Variants in SMAD3 observed in about 807,000 individuals in gnomAD.
SMAD3 encodes the protein MAD homolog 3.
In SMAD3, 12 loss-of-function variants were observed where a neutral mutation model predicts 51.8. The observed-to-expected ratio is 0.23, with a 90% CI of 0.15 to 0.38. SMAD3 has a LOEUF of 0.38. Ranked by LOEUF, SMAD3 falls within the 10% of genes least tolerant of loss-of-function variation. SMAD3 has a pLI of 1.00. For synonymous variants in SMAD3, 238 were observed against 227.7 expected (o/e 1.05, Z -0.41); for missense variants, 294 against 565.6 (o/e 0.52, Z 4.87).
At chr15:67,085,333 C>T (rs1415559381) in intron 1 of SMAD3, among the ~76,000 whole-genome samples, 2 of 152,166 alleles carry the variant, frequency 1.3e-5, no homozygotes, top group East Asian at 1.9e-4. Context: ...TTGGGTGAGT[C>T]ACTTTTCTGC....
intron 4 of SMAD3, among the ~76,000 whole-genome samples, chr15:67,167,576 G>C (rs1032511301): frequency 6.6e-6 from 1 of 152,180 alleles, no homozygotes; most frequent in Non-Finnish European, 1.5e-5. Flanking sequence ...GCAAGGAGAG[G>C]CTGAATGGAA....
intron 6 of SMAD3, among the ~76,000 whole-genome samples, chr15:67,183,860 T>C (rs767904187): frequency 6.6e-6 from 1 of 152,054 alleles, no homozygotes; most frequent in Admixed American, 6.6e-5. Flanking sequence ...GAAAAATGCA[T>C]TGAGGGAAGA....
intron 1 of SMAD3, among the ~76,000 whole-genome samples, chr15:67,158,172 A>G (rs1377915305): frequency 1.3e-5 from 2 of 152,186 alleles, no homozygotes; most frequent in African/African-American, 4.8e-5. Context: ...ATTAAGACTT[A>G]TTTATTGGAT....
chr15:67,121,434 G>A (rs977394544), intron 1 of SMAD3, among the ~76,000 whole-genome samples: 2 of 152,164 alleles, frequency 1.3e-5, no homozygotes, highest in African/African-American at 4.8e-5. Context: ...GTTGCACTCC[G>A]TTCTGGGTGG....
chr15:67,094,261 G>A (rs1020041702), intron 1 of SMAD3, among the ~76,000 whole-genome samples: 1 of 152,182 alleles, frequency 6.6e-6, no homozygotes, highest in Non-Finnish European at 1.5e-5. Context: ...ACCAGAAGTG[G>A]CATCAAGATG....
intron 1 of SMAD3, among the ~76,000 whole-genome samples, chr15:67,112,821 G>A (rs1961047125): frequency 7.6e-6 from 1 of 131,174 alleles, no homozygotes; most frequent in Non-Finnish European, 1.6e-5. Flanking sequence ...TTTTGTATAA[G>A]ATGTGAGGTA....
At chr15:67,078,368 T>C (rs1277424425) in intron 1 of SMAD3, among the ~76,000 whole-genome samples, 1 of 152,168 alleles carries the variant, frequency 6.6e-6, no homozygotes, top group African/African-American at 2.4e-5. Context: ...CTGGTCAGTG[T>C]TTTCAATTTC....
chr15:67,139,823 A>C (rs10518714), intron 1 of SMAD3, among the ~76,000 whole-genome samples: 33,839 of 152,090 alleles, frequency 0.22, 4,586 homozygotes, highest in Non-Finnish European at 0.32. Flanking sequence ...GTGCTTGGAA[A>C]GTGAATGTGT....
chr15:67,093,725 G>A (rs1010075633), intron 1 of SMAD3, among the ~76,000 whole-genome samples: 27 of 152,250 alleles, frequency 1.8e-4, no homozygotes, highest in Admixed American at 5.2e-4. Flanking sequence ...GACTTGCAGC[G>A]CTGTGTTGGC....
chr15:67,192,366 T>A lies in SMAD3; in HGVS notation c.*1830T>A, dbSNP rs1339353473. On this transcript the variant is annotated 3_prime_UTR_variant, in exon 9 of 9. Coordinates refer to ENST00000327367, the MANE Select transcript of SMAD3 (RefSeq NM_005902.4). ...TGTGTGAGTCTTCTCGAAGGAGGGT[T>A]GACTCAGAACCCAGAGACAATACAA... The A allele has an allele frequency of 1.7e-5, 4 of 233,068 alleles. No individual in the cohort carries two copies. The highest frequency in any genetic ancestry group is 3.4e-5 in the Non-Finnish European group (4 of 117,916). The allele number at this position is 233,068 out of a possible 1,614,324, so 14.4% of individuals were successfully genotyped here.
chr15:67,106,518 T>C (rs1960880647), intron 1 of SMAD3, among the ~76,000 whole-genome samples: 1 of 152,202 alleles, frequency 6.6e-6, no homozygotes, highest in Non-Finnish European at 1.5e-5. Context: ...ACTGTTCTTT[T>C]CCTTCTGAGA....
chr15:67,080,383 A>T (rs1463689225), intron 1 of SMAD3, among the ~76,000 whole-genome samples: 3 of 152,196 alleles, frequency 2.0e-5, no homozygotes. Flanking sequence ...CTGAAGGGAA[A>T]GGAGGTGGAG....
chr15:67,107,965 T>TCCCCCCCCCCCCCCC, intron 1 of SMAD3, among the ~76,000 whole-genome samples: 204 of 124,662 alleles, frequency 1.6e-3, no homozygotes, highest in Admixed American at 2.9e-3. Context: ...TGCTCTCCTC[T>TCCCCCCCCCCCCCCC]CCCCCCCACC....
At chr15:67,133,983 C>T (rs553034267) in intron 1 of SMAD3, among the ~76,000 whole-genome samples, 4 of 152,104 alleles carry the variant, frequency 2.6e-5, no homozygotes, top group Admixed American at 2.0e-4. Flanking sequence ...TCTGCTTGTG[C>T]CTTTAATGTT....
intron 4 of SMAD3, among the ~76,000 whole-genome samples, chr15:67,168,924 A>T (rs1962668164): frequency 6.6e-6 from 1 of 152,118 alleles, no homozygotes; most frequent in African/African-American, 2.4e-5. Flanking sequence ...CCAGAGGGTC[A>T]CGTTGTTCCC....
chr15:67,145,578 A>G (rs768676946), intron 1 of SMAD3, among the ~76,000 whole-genome samples: 2 of 152,186 alleles, frequency 1.3e-5, no homozygotes, highest in African/African-American at 4.8e-5. Context: ...ATGTTCGGCA[A>G]CATCATTGGG....
chr15:67,133,453 G>A (rs1961579478), intron 1 of SMAD3, among the ~76,000 whole-genome samples: 1 of 151,428 alleles, frequency 6.6e-6, no homozygotes, highest in South Asian at 2.1e-4. Flanking sequence ...CTGCGTTTCT[G>A]TTTGCCTCTA....
At chr15:67,102,689 T>C (rs1390604883) in intron 1 of SMAD3, among the ~76,000 whole-genome samples, 2 of 152,118 alleles carry the variant, frequency 1.3e-5, no homozygotes. Context: ...TGGTCCTGGC[T>C]GGTCAGTTGC....
At chr15:67,098,798 C>A in intron 1 of SMAD3, 1 of 683,900 alleles carries the variant, frequency 1.5e-6, no homozygotes, top group Non-Finnish European at 2.7e-6. Flanking sequence ...GAGGGTCCTA[C>A]GCATCCCCAG....
Sources: allele counts gnomAD v4.1 joint callset (sites outside exome capture counted in the v4.1 genomes callset), GRCh38; gene constraint gnomAD v4.1.1; transcripts MANE v1.5; gene names NCBI Gene and HGNC (gene_info 2026-07-23, HGNC 2026-07-21).